The following RYR1 variants were observed in gnomAD, a reference collection of about 807,000 sequenced individuals.
RYR1 encodes central core disease of muscle.
In RYR1, 342 loss-of-function variants were observed where a neutral mutation model predicts 583.5. The observed-to-expected ratio is 0.59, with a 90% CI of 0.54 to 0.64. The LOEUF is 0.64. RYR1 is among the 30% of genes least tolerant of loss of function. The pLI is 0.00. For synonymous variants in RYR1, 2,791 were observed against 2,822.5 expected, an observed-to-expected ratio of 0.99 and a Z score of 0.35; for missense variants, 6,032 against 6,917.2, an observed-to-expected ratio of 0.87 and a Z score of 4.54.
chr19:38,516,232 G>C lies in RYR1; in HGVS notation c.9685+15G>C, dbSNP rs1970964927. The C allele has an allele frequency of 1.5e-5, 23 of 1,583,322 alleles. No homozygotes were observed. The highest frequency in any genetic ancestry group is 1.7e-4 in the Middle Eastern group (1 of 6,026). On this transcript the variant is annotated intron_variant, in intron 65 of 105. Transcript: ENST00000359596. ...GGAGCGGGCCAGTAAGCTGTGTGGG[G>C]CGGGAGCAGTGCTGGGAGTCCAAAT...
At position 38,572,076 on chromosome 19, in the gene RYR1, T is replaced by C; in HGVS notation, c.13804T>C (p.Ser4602Pro). The C allele has an allele frequency of 6.2e-7, 1 of 1,614,124 alleles. No homozygotes were observed. Among genetic ancestry groups the C allele is most frequent in the Non-Finnish European group, 8.5e-7 (1 of 1,180,024 alleles). The change falls in exon 95 of 106, where the codon TCA (serine) becomes CCA (proline). Residue 4602 changes from serine to proline, a missense_variant. Physicochemically the swap from Ser to Pro is moderately conservative, Grantham distance 74 (BLOSUM62 -1). Around this residue, in one of 11 missense-constraint regions of RYR1, gnomAD observed 35 missense variants for 66.0 expected, o/e 0.53. Transcript: ENST00000359596. ...GGAAGGCTCAGCTGCTGGGGATGTG[T>C]CAGGTGCAGGCTCTGGTGGCAGCTC... is the stretch of plus-strand genomic sequence containing the variant. ...DMEGSAAGDV[S>P]GAGSGGSSGW...
In RYR1 at chr19:38,504,924, G is replaced by A; in HGVS notation, c.8231+13G>A. The A allele has an allele frequency of 6.2e-7, 1 of 1,614,128 alleles. No homozygotes were observed. Among genetic ancestry groups the A allele is most frequent in the Non-Finnish European group, 8.5e-7 (1 of 1,180,032 alleles). On this transcript the variant is annotated intron_variant, in intron 51 of 105. Transcript: ENST00000359596. ...TGGAGACCCTCAAGTGAGGCCTGGGGGCTGGGAGACAGAGAGGAAGATTTC... is the reference window on the plus strand; with the variant it reads ...TGGAGACCCTCAAGTGAGGCCTGGGAGCTGGGAGACAGAGAGGAAGATTTC...
chr19:38,464,961 G>C (rs971592173), intron 23 of RYR1, among the ~76,000 whole-genome samples: 29 of 152,066 alleles, frequency 1.9e-4, no homozygotes, highest in African/African-American at 7.0e-4. Context: ...TCCAGGCTCA[G>C]GGTCTGCCTA....
At chr19:38,567,122 C>T (rs780103268) in intron 92 of RYR1, 135 bp downstream of exon 92, 96 of 1,388,294 alleles carry the variant, frequency 6.9e-5, no homozygotes, top group Admixed American at 3.8e-4. Context: ...GACTCAGGCA[C>T]GGAGGAGGGG....
chr19:38,452,976 C>T lies in RYR1; in HGVS notation c.1402C>T (p.Arg468Ter). The T allele has an allele frequency of 3.7e-6, 6 of 1,613,870 alleles. No homozygotes were observed. Among genetic ancestry groups the T allele is most frequent in the Non-Finnish European group, 5.1e-6 (6 of 1,179,834 alleles). Residue 468 changes from arginine to a stop codon, truncating the protein, a stop_gained, in exon 13 of 106, where the codon CGA becomes TGA. Transcript: ENST00000359596. LOFTEE classifies it high-confidence loss of function. ...GCACGAGGAGAAGCAGAGCAAGCTG[C>T]GAAGCCTGCGCAACCGCCAGAGCCT... The part of the protein sequence containing the change: ...LQHEEKQSKL[R>*]SLRNRQSLFQ...
intron 3 of RYR1, 27 bp from the exon 4 acceptor site, chr19:38,443,531 T>C (rs1303358848): frequency 6.2e-7 from 1 of 1,606,860 alleles, no homozygotes; most frequent in East Asian, 2.2e-5. Flanking sequence ...GATCTGTGCT[T>C]ATTCTGTTCC....
chr19:38,466,973 C>G (rs1968146326), intron 24 of RYR1, among the ~76,000 whole-genome samples: 1 of 152,166 alleles, frequency 6.6e-6, no homozygotes, highest in Admixed American at 6.5e-5. Flanking sequence ...GAGCCGTCAG[C>G]CTAGGAACCC....
chr19:38,489,314 TGAG>T lies in RYR1; in HGVS notation c.5691_5693del (p.Glu1898del), dbSNP rs772076294. The T allele has an allele frequency of 6.9e-6, 11 of 1,598,772 alleles. No homozygotes were observed. Among genetic ancestry groups the T allele is most frequent in the East Asian group, 4.5e-5 (2 of 44,724 alleles). ...AAGATGAGGAGGAGAAGGAGGAGGA[TGAG>T]GAGGAAACAGCACAGGAAAAGGAAG... On this transcript the variant is annotated inframe_deletion, in exon 35 of 106. Coordinates refer to ENST00000359596, the MANE Select transcript of RYR1 (RefSeq NM_000540.3).
chr19:38,509,141 C>T (rs992492567), intron 58 of RYR1, among the ~76,000 whole-genome samples: 1 of 152,118 alleles, frequency 6.6e-6, no homozygotes, highest in African/African-American at 2.4e-5. Context: ...TCACGTCTCA[C>T]CTCAAAGCCT....
At position 38,478,620 on chromosome 19, in the gene RYR1, A is replaced by G. The variant is rs369296687; in HGVS notation, c.4620+20A>G. On this transcript the variant is annotated intron_variant, in intron 31 of 105. Coordinates refer to ENST00000359596, the MANE Select transcript of RYR1 (RefSeq NM_000540.3). ...TTCCAGGTGAGTCCAGGCCACAGCA[A>G]TTTAGCGAGAGCATCATGTCCCAGC... 1.2e-5 allele frequency: 19 copies of G among 1,605,990 alleles called. No homozygotes were observed. Among genetic ancestry groups the G allele is most frequent in the Middle Eastern group, 3.3e-4 (2 of 6,080 alleles).
rs1210115695 is a variant in RYR1 at position 38,561,588 on chromosome 19, C to T, written c.12624+134C>T. On this transcript the variant is annotated intron_variant, in intron 90 of 105. Coordinates refer to ENST00000359596, the MANE Select transcript of RYR1 (RefSeq NM_000540.3). The surrounding 1 kb of genome is among the most constrained non-coding windows in gnomAD (Gnocchi z 4.8). ...TGCCCTGCTCCGGCAAGCCCACGCC[C>T]ACCCTTTTGTACACATTTCGTCCAG... 13 of 870,094 alleles carry T rather than the reference C, an allele frequency of 1.5e-5. No individual in the cohort carries two copies. The East Asian group carries it at 3.2e-4, about 21-fold the overall frequency. 53.9% of individuals were successfully genotyped at this position (870,094 alleles called of 1,614,324 possible).
chr19:38,458,002 C>A, intron 17 of RYR1, 49 bp from the exon 18 acceptor site: 1 of 1,602,920 alleles, frequency 6.2e-7, no homozygotes, highest in Non-Finnish European at 8.5e-7. Context: ...ACTTGGCTCT[C>A]CTCTCTGCCT....
chr19:38,448,552 C>G (rs1288835806), intron 10 of RYR1, 41 bp downstream of exon 10: 2 of 1,614,002 alleles, frequency 1.2e-6, no homozygotes, highest in East Asian at 4.5e-5. Context: ...CTGAAGCCCC[C>G]AGTCCCAGCC....
chr19:38,455,476 C>T lies in RYR1; in HGVS notation c.1602C>T (p.Ser534=), dbSNP rs1967323993. ...LLASLIRGNR[S]NCALFSTNLD... ...CTTCTCTAATCCGTGGCAATCGTAG[C>T]AACTGTGCCCTCTTCTCCACAAACT... is the stretch of plus-strand genomic sequence containing the variant. Residue 534 remains serine (S), a synonymous_variant, in exon 15 of 106, where the codon AGC becomes AGT. Transcript: ENST00000359596. 15 of 1,614,036 alleles carry T rather than the reference C, an allele frequency of 9.3e-6. No homozygotes were observed. Among genetic ancestry groups the T allele is most frequent in the Non-Finnish European group, 1.2e-5 (14 of 1,180,036 alleles).
chr19:38,464,609 G>T, intron 22 of RYR1, 30 bp from the exon 23 acceptor site: 1 of 1,553,312 alleles, frequency 6.4e-7, no homozygotes, highest in African/African-American at 1.4e-5. Context: ...TGAGGGGCGT[G>T]ACCTGTCGCC....
At chr19:38,461,721 G>GAAAAAA (rs34209906) in intron 20 of RYR1, among the ~76,000 whole-genome samples, 4 of 75,088 alleles carry the variant, frequency 5.3e-5, no homozygotes, top group Non-Finnish European at 9.6e-5. Flanking sequence ...GCAAAACCCT[G>GAAAAAA]AAAAAAAAAA....
chr19:38,519,025 G>A (rs933485220), intron 66 of RYR1, among the ~76,000 whole-genome samples, 189 bp from the exon 67 acceptor site: 1 of 152,060 alleles, frequency 6.6e-6, no homozygotes, highest in African/African-American at 2.4e-5. Context: ...ATAGGGACTG[G>A]GTCTTAGGTT....
At position 38,561,021 on chromosome 19, in the gene RYR1, A is replaced by G. The variant is rs1036909006; in HGVS notation, c.12283-92A>G. 7 of 1,214,132 alleles carry G rather than the reference A, an allele frequency of 5.8e-6. No homozygotes were observed. Among genetic ancestry groups the G allele is most frequent in the African/African-American group, 3.1e-5 (2 of 64,774 alleles). 75.2% of individuals were successfully genotyped at this position (1,214,132 alleles called of 1,614,324 possible). ...GCGCCACTGCACTCCAGCCTGGGCG[A>G]CACAGCGAGACCTTGTCTTAAAAAA... On this transcript the variant is annotated intron_variant, in intron 89 of 105. Transcript: ENST00000359596. This position sits in a 1 kb window ranked among gnomAD's most constrained non-coding sequence, Gnocchi z 4.8.
intron 12 of RYR1, among the ~76,000 whole-genome samples, chr19:38,452,299 G>C (rs963294127): frequency 6.6e-6 from 1 of 151,962 alleles, no homozygotes; most frequent in Non-Finnish European, 1.5e-5. Flanking sequence ...ATATTGGCCA[G>C]GTGTGGTGGC....
Sources: allele counts gnomAD v4.1 joint callset (sites outside exome capture counted in the v4.1 genomes callset), GRCh38; gene constraint gnomAD v4.1.1; regional missense constraint gnomAD v4.1.1; non-coding constraint Gnocchi (gnomAD v3.1); transcripts MANE v1.5; gene names NCBI Gene and HGNC (gene_info 2026-07-23, HGNC 2026-07-21).